NUP153: variants seen among roughly 807,000 people sequenced by gnomAD.
NUP153 encodes the protein nuclear pore complex protein Nup153.
NUP153 carries 27 observed loss-of-function variants against 134.6 expected under a neutral mutation model. That is an observed-to-expected ratio of 0.20 (90% CI 0.15 to 0.28). The LOEUF (loss-of-function observed/expected upper bound fraction) is 0.28. Ranked by LOEUF, NUP153 falls within the 10% of genes least tolerant of loss-of-function variation. The pLI is 1.00. For missense variants in NUP153, 1,821 were observed against 1,731.3 expected, an observed-to-expected ratio of 1.05 and a Z score of -0.92; for synonymous variants, 640 against 623.5, an observed-to-expected ratio of 1.03 and a Z score of -0.40.
chr6:17,637,004 C>T, intron 16 of NUP153, 149 bp downstream of exon 16: 1 of 760,350 alleles, frequency 1.3e-6, no homozygotes, highest in Non-Finnish European at 2.1e-6. Flanking sequence ...TAGCTGCAAA[C>T]AAGACATTTT....
chr6:17,657,259 T>C (rs115491643), intron 11 of NUP153, among the ~76,000 whole-genome samples: 2,244 of 152,010 alleles, frequency 0.015, 56 homozygotes, highest in African/African-American at 0.052. Context: ...AATTATTTTC[T>C]GGCTAGGCAC....
At chr6:17,676,913 A>G (rs1163219730) in intron 2 of NUP153, among the ~76,000 whole-genome samples, 1 of 152,150 alleles carries the variant, frequency 6.6e-6, no homozygotes, top group Non-Finnish European at 1.5e-5. Context: ...AGACCACCTA[A>G]GCCTTACGCA....
At chr6:17,692,080 T>A (rs1265637297) in intron 1 of NUP153, among the ~76,000 whole-genome samples, 1 of 152,202 alleles carries the variant, frequency 6.6e-6, no homozygotes, top group Non-Finnish European at 1.5e-5. Context: ...GGAAGGCAAG[T>A]ATAGAACAAC....
At chr6:17,698,975 T>C (rs115462246) in intron 1 of NUP153, among the ~76,000 whole-genome samples, 50 of 151,804 alleles carry the variant, frequency 3.3e-4, no homozygotes, top group Admixed American at 6.6e-4. Flanking sequence ...TGTTTGAAAA[T>C]TGGGAGTAAG....
Position 17,629,109 on chromosome 6 carries a change from G to A in NUP153, c.3090C>T (p.Asn1030=), listed in dbSNP as rs562095047. The A allele has an allele frequency of 6.2e-7, 1 of 1,614,184 alleles. No homozygotes were observed. The highest frequency in any genetic ancestry group is 1.3e-5 in the African/African-American group (1 of 75,052). The part of the protein sequence containing the change: ...AGFSFGTGVI[N]STPAPANTIV... ...TGGTGTTAGCAGGAGCAGGGGTGGAGTTAATAACACCTGTACCAAAGCTAA... is the reference window on the plus strand; with the variant it reads ...TGGTGTTAGCAGGAGCAGGGGTGGAATTAATAACACCTGTACCAAAGCTAA... The change falls in exon 18 of 22, where the codon AAC becomes AAT. Residue 1030 remains asparagine, a synonymous_variant. Coordinates refer to ENST00000262077, the MANE Select transcript of NUP153 (RefSeq NM_005124.4).
chr6:17,664,185 T>A (rs1324423265), intron 9 of NUP153, among the ~76,000 whole-genome samples: 1 of 152,190 alleles, frequency 6.6e-6, no homozygotes, highest in African/African-American at 2.4e-5. Flanking sequence ...AACACTATGC[T>A]AAGTGGCTAC....
At chr6:17,648,007 GTAT>G in intron 12 of NUP153, 102 bp from the exon 13 acceptor site, 1 of 710,064 alleles carries the variant, frequency 1.4e-6, no homozygotes, top group Non-Finnish European at 2.4e-6. Flanking sequence ...AAGACACTAA[GTAT>G]TTTTTCCTTT....
chr6:17,666,793 T>C (rs377697983), intron 8 of NUP153, among the ~76,000 whole-genome samples: 6 of 152,314 alleles, frequency 3.9e-5, no homozygotes, highest in South Asian at 2.1e-4. Context: ...GCCAGAAGCT[T>C]CTAACTCTGT....
chr6:17,627,097 G>A (rs189520910), intron 18 of NUP153, among the ~76,000 whole-genome samples: 24 of 151,978 alleles, frequency 1.6e-4, no homozygotes, highest in Admixed American at 1.1e-3. Context: ...TTCCAATACC[G>A]CACACTATCC....
At chr6:17,667,660 G>C (rs1019289443) in intron 8 of NUP153, among the ~76,000 whole-genome samples, 1 of 152,168 alleles carries the variant, frequency 6.6e-6, no homozygotes, top group African/African-American at 2.4e-5. Flanking sequence ...GTTGCAGTGA[G>C]CTGCGACTGT....
intron 20 of NUP153, among the ~76,000 whole-genome samples, chr6:17,620,876 T>C (rs1159132359): frequency 6.6e-6 from 1 of 152,128 alleles, no homozygotes; most frequent in Non-Finnish European, 1.5e-5. Context: ...GGGACTATAT[T>C]AAACTGAAAA....
intron 2 of NUP153, among the ~76,000 whole-genome samples, chr6:17,685,137 AT>A (rs1467038269): frequency 1.3e-5 from 2 of 152,248 alleles, no homozygotes; most frequent in Non-Finnish European, 2.9e-5. Flanking sequence ...GCAATAAAAT[AT>A]GTATTTATAA....
chr6:17,670,762 T>G (rs527948591), intron 5 of NUP153, among the ~76,000 whole-genome samples: 176 of 152,280 alleles, frequency 1.2e-3, no homozygotes, highest in Admixed American at 1.8e-3. Context: ...TATAGAGATG[T>G]TCATATAGTA....
intron 11 of NUP153, among the ~76,000 whole-genome samples, chr6:17,655,772 C>T (rs1169595107): frequency 1.3e-5 from 2 of 151,944 alleles, no homozygotes; most frequent in African/African-American, 2.4e-5. Flanking sequence ...TAATTTTTTA[C>T]CAAAAATTCC....
At position 17,706,891 on chromosome 6, in the gene NUP153, CT is replaced by C. The variant is rs1226168217; in HGVS notation, c.-505del. On this transcript the variant is annotated 5_prime_UTR_variant, in exon 1 of 22. Coordinates refer to ENST00000262077, the MANE Select transcript of NUP153 (RefSeq NM_005124.4). This position sits in a 1 kb window ranked among gnomAD's most constrained non-coding sequence, Gnocchi z 5.9. ...TCCGCCGCCGTTGCGCCTATTACCC[CT>C]GCTAAGGCGGCTGCCGCGGTCGCGA... 1 of 159,082 alleles carries C rather than the reference CT, an allele frequency of 6.3e-6. No homozygotes were observed. Among genetic ancestry groups the C allele is most frequent in the Non-Finnish European group, 1.4e-5 (1 of 71,946 alleles). The allele number at this position is 159,082 out of a possible 1,614,324, so 9.9% of individuals were successfully genotyped here.
intron 18 of NUP153, among the ~76,000 whole-genome samples, chr6:17,626,452 T>C (rs111525686): frequency 2.0e-5 from 3 of 152,336 alleles, no homozygotes; most frequent in African/African-American, 4.8e-5. Context: ...CTGGATACTG[T>C]AGTTGAATAG....
At chr6:17,626,560 T>A (rs951135922) in intron 18 of NUP153, among the ~76,000 whole-genome samples, 1 of 152,244 alleles carries the variant, frequency 6.6e-6, no homozygotes, top group Non-Finnish European at 1.5e-5. Flanking sequence ...TTTATCTAAA[T>A]GGATAGCCAA....
At position 17,625,729 on chromosome 6, in the gene NUP153, T is replaced by C; in HGVS notation, c.3901+79A>G. The C allele has an allele frequency of 9.2e-7, 1 of 1,092,392 alleles. No individual in the cohort carries two copies. Among genetic ancestry groups the C allele is most frequent in the Non-Finnish European group, 1.4e-6 (1 of 730,012 alleles). The allele number at this position is 1,092,392 out of a possible 1,614,324, so 67.7% of individuals were successfully genotyped here. On this transcript the variant is annotated intron_variant, in intron 19 of 21. Coordinates refer to ENST00000262077, the MANE Select transcript of NUP153 (RefSeq NM_005124.4). The surrounding 1 kb of genome is among the most constrained non-coding windows in gnomAD (Gnocchi z 4.7). ...CCCACCATTTTGTGATAACCTGCTATATGATATTCGCTAAGAACTGACACA... is the reference window on the plus strand; with the variant it reads ...CCCACCATTTTGTGATAACCTGCTACATGATATTCGCTAAGAACTGACACA...
intron 1 of NUP153, among the ~76,000 whole-genome samples, chr6:17,703,652 GA>G: frequency 7.8e-6 from 1 of 127,960 alleles, no homozygotes; most frequent in East Asian, 2.3e-4. Flanking sequence ...TTATTTTTAA[GA>G]TTAAAAAAAA....
Sources: gnomAD v4.1 joint callset for allele counts (sites outside exome capture counted in the v4.1 genomes callset) on GRCh38, gnomAD v4.1.1 for gene constraint, Gnocchi (gnomAD v3.1) non-coding constraint, MANE v1.5 for transcripts, NCBI Gene and HGNC (gene_info 2026-07-23, HGNC 2026-07-21) for gene names.